The following CDK16 variants were observed in gnomAD, a reference collection of about 807,000 sequenced individuals.
CDK16 encodes the protein cyclin dependent kinase 16.
In CDK16, 2 loss-of-function variants were observed where a neutral mutation model predicts 41.6. The ratio of observed to expected loss-of-function variants is 0.05; its 90% CI spans 0.02 to 0.15. The LOEUF is 0.15. Ranked by LOEUF, CDK16 falls within the 10% of genes least tolerant of loss-of-function variation. CDK16 has a pLI of 1.00. For synonymous variants in CDK16, 169 were observed against 169.7 expected (o/e 1.00, Z 0.03); for missense variants, 228 against 428.9 (o/e 0.53, Z 4.14).
Position 47,226,706 on chromosome X carries a change from A to G in CDK16, c.1037+3A>G, listed in dbSNP as rs1213710732. 8 of 1,206,395 alleles carry G rather than the reference A, an allele frequency of 6.6e-6. No individual in the cohort carries two copies. In the East Asian group the frequency reaches 8.9e-5, roughly 13 times the overall value. ...TACTCCACTCAGATTGACATGTGGTAAGGACAGGTGGAAGTGTGGCAGGGG... is the reference window on the plus strand; with the variant it reads ...TACTCCACTCAGATTGACATGTGGTGAGGACAGGTGGAAGTGTGGCAGGGG... On this transcript the variant is annotated splice_donor_region_variant and intron_variant, in intron 10 of 15. Transcript: ENST00000357227.
intron 1 of CDK16, among the ~76,000 whole-genome samples, chrX:47,221,545 TC>T (rs1468658307): frequency 9.0e-6 from 1 of 110,804 alleles, no homozygotes; most frequent in African/African-American, 3.3e-5. Context: ...CCTCCTGGCT[TC>T]CTCCCCATCC....
Position 47,219,055 on chromosome X carries a change from G to C in CDK16, c.-57G>C. On this transcript the variant is annotated 5_prime_UTR_variant, in exon 1 of 16. Transcript: ENST00000357227. ...GCCTCATCCCGGGCCGCCGCCCCAG[G>C]CGCCGCCGCGCCGGCCCCGCGGCTC... The C allele has an allele frequency of 1.2e-6, 1 of 819,808 alleles. No homozygotes were observed. Among genetic ancestry groups the C allele is most frequent in the South Asian group, 4.0e-5 (1 of 25,110 alleles). The allele number at this position is 819,808 out of a possible 1,213,427, so 67.6% of individuals were successfully genotyped here.
chrX:47,227,033 A>G lies in CDK16; in HGVS notation c.1175A>G (p.Asn392Ser). 16 of 1,211,906 alleles carry G rather than the reference A, an allele frequency of 1.3e-5. No individual in the cohort carries two copies. Among genetic ancestry groups the G allele is most frequent in the Non-Finnish European group, 1.7e-5 (15 of 895,424 alleles). ...GAGACGTGGCCAGGCATCCTGTCCA[A>G]CGAGGAGTTCAAGACATACAACTAC... ...TEETWPGILS[N>S]EEFKTYNYPK... The change falls in exon 12 of 16, where the codon AAC (asparagine) becomes AGC (serine). Residue 392 changes from asparagine to serine, a missense_variant. Physicochemically the swap from Asn to Ser is conservative, Grantham distance 46. This residue lies in a region of CDK16 where 91 missense variants were observed against 129.5 expected (regional missense o/e 0.70). Coordinates refer to ENST00000357227, the MANE Select transcript of CDK16 (RefSeq NM_006201.5).
chrX:47,219,314 G>C (rs956707038), intron 1 of CDK16, among the ~76,000 whole-genome samples: 1 of 110,736 alleles, frequency 9.0e-6, no homozygotes, highest in Admixed American at 9.5e-5. Context: ...GTAGTGCTGT[G>C]GGTGCTAATG....
intron 5 of CDK16, 42 bp downstream of exon 5, chrX:47,224,932 G>T (rs923090906): frequency 8.3e-7 from 1 of 1,200,393 alleles, no homozygotes; most frequent in Admixed American, 2.2e-5. Flanking sequence ...ATGAAGGTCA[G>T]TGGGAACTCC....
chrX:47,224,419 T>C lies in CDK16; in HGVS notation c.237T>C (p.Asp79=). ...ACGAGGACTTGAAGATGGGGTCTGA[T>C]GGGGAGAGTGACCAGGCTTCAGCCA... The part of the protein sequence containing the change: ...IVHEDLKMGS[D]GESDQASATS... The change falls in exon 3 of 16, where the codon GAT becomes GAC. Residue 79 remains aspartate, a synonymous_variant. Transcript: ENST00000357227. 1 of 1,204,698 alleles carries C rather than the reference T, an allele frequency of 8.3e-7. No homozygotes were observed. The highest frequency in any genetic ancestry group is 1.1e-6 in the Non-Finnish European group (1 of 891,604).
Position 47,227,441 on chromosome X carries a change from G to T in CDK16, c.1347G>T (p.Leu449=), listed in dbSNP as rs372315805. The change falls in exon 14 of 16, where the codon CTG becomes CTT. Residue 449 remains leucine (L), a synonymous_variant. Coordinates refer to ENST00000357227, the MANE Select transcript of CDK16 (RefSeq NM_006201.5). ...TGAAACATCCATTCTTCCTCAGTCTGGGGGAGCGGATCCACAAACTTCCTG... is the reference window on the plus strand; with the variant it reads ...TGAAACATCCATTCTTCCTCAGTCTTGGGGAGCGGATCCACAAACTTCCTG... ...DAMKHPFFLS[L]GERIHKLPDT... 3 of 1,208,505 alleles carry T rather than the reference G, an allele frequency of 2.5e-6. No individual in the cohort carries two copies. The highest frequency in any genetic ancestry group is 1.8e-5 in the South Asian group (1 of 56,724).
intron 2 of CDK16, among the ~76,000 whole-genome samples, chrX:47,224,097 C>G (rs1280717887): frequency 1.8e-5 from 2 of 111,282 alleles, no homozygotes; most frequent in Non-Finnish European, 3.8e-5. Flanking sequence ...TCCCAGGACC[C>G]TTGGCTTCCC....
At chrX:47,220,028 G>C (rs1344222265) in intron 1 of CDK16, among the ~76,000 whole-genome samples, 1 of 110,183 alleles carries the variant, frequency 9.1e-6, no homozygotes, top group Non-Finnish European at 1.9e-5. Context: ...AGTGGACGAA[G>C]GGTAAAGGTG....
intron 1 of CDK16, chrX:47,222,449 G>A (rs1937369753): frequency 9.1e-6 from 1 of 110,256 alleles, no homozygotes; most frequent in African/African-American, 3.3e-5. Flanking sequence ...GGGAGTTCGG[G>A]ATGGTTGAGA....
chrX:47,218,774 C>T lies in CDK16; in HGVS notation c.-338C>T, dbSNP rs377475059. 2 of 1,155,884 alleles carry T rather than the reference C, an allele frequency of 1.7e-6. No individual in the cohort carries two copies. Among genetic ancestry groups the T allele is most frequent in the Admixed American group, 2.6e-5 (1 of 38,553 alleles). On this transcript the variant is annotated 5_prime_UTR_variant, in exon 1 of 16. Coordinates refer to ENST00000357227, the MANE Select transcript of CDK16 (RefSeq NM_006201.5). ...GGCTGTTCGGCCCTGGGATCCGCCG[C>T]CACTCCGCGATCAGACCGCTCTGTG... is the stretch of plus-strand genomic sequence containing the variant.
At chrX:47,219,168 C>T in intron 1 of CDK16, 63 bp downstream of exon 1, 1 of 778,723 alleles carries the variant, frequency 1.3e-6, no homozygotes, top group Non-Finnish European at 1.5e-6. Context: ...TCGGGCGGTG[C>T]CCAGGGGTCT....
chrX:47,218,921 C>T lies in CDK16; in HGVS notation c.-191C>T. Reference sequence around the variant, plus strand: ...CCGCCTCCGCCTCAGCCACCGCCGCCGCCGCCGCCTCCTCCTCCTCAGCCG... The same window carrying T: ...CCGCCTCCGCCTCAGCCACCGCCGCTGCCGCCGCCTCCTCCTCCTCAGCCG... On this transcript the variant is annotated 5_prime_UTR_variant, in exon 1 of 16. Coordinates refer to ENST00000357227, the MANE Select transcript of CDK16 (RefSeq NM_006201.5). 1.9e-6 allele frequency: 2 copies of T among 1,037,171 alleles called. No homozygotes were observed. Among genetic ancestry groups the T allele is most frequent in the Non-Finnish European group, 2.5e-6 (2 of 811,261 alleles). 85.5% of individuals were successfully genotyped at this position (1,037,171 alleles called of 1,213,427 possible).
In CDK16 at chrX:47,227,286, C is replaced by CT. The variant is rs1434343236; in HGVS notation, c.1284+63_1284+64insT. On this transcript the variant is annotated intron_variant, in intron 13 of 15. Coordinates refer to ENST00000357227, the MANE Select transcript of CDK16 (RefSeq NM_006201.5). ...TCCAAGTGTGGGGAAACAGGGACCC[C>CT]CCCCCTCAAACCAGGGGCAGGGTCT... The CT allele has an allele frequency of 3.6e-6, 4 of 1,119,421 alleles. No individual in the cohort carries two copies. In the East Asian group the frequency reaches 1.2e-4, roughly 34 times the overall value. The allele number at this position is 1,119,421 out of a possible 1,213,427, so 92.3% of individuals were successfully genotyped here.
At position 47,226,365 on chromosome X, in the gene CDK16, C is replaced by A. The variant is rs200980942; in HGVS notation, c.879C>A (p.Leu293=). 5.8e-6 allele frequency: 7 copies of A among 1,210,812 alleles called. No individual in the cohort carries two copies. The highest frequency in any genetic ancestry group is 2.2e-6 in the Non-Finnish European group (2 of 895,132). The part of the protein sequence containing the change: ...LHRDLKPQNL[L]INERGELKLA... ...GAGACCTCAAGCCCCAGAACCTGCT[C>A]ATCAACGAGAGGGGAGAGCTCAAGC... Residue 293 remains leucine (L), a synonymous_variant, in exon 9 of 16, where the codon CTC becomes CTA. Transcript: ENST00000357227.
rs138055902 is a variant in CDK16 at position 47,224,750 on chromosome X, A to T, written c.462+7A>T. The T allele has an allele frequency of 3.8e-4, 461 of 1,209,290 alleles. No individual in the cohort carries two copies. The African/African-American group carries it at 7.0e-3, about 18-fold the overall frequency. On this transcript the variant is annotated splice_region_variant and intron_variant, in intron 4 of 15. Transcript: ENST00000357227. ...CCTCCGTCGTGTCAGCCTAGTAAGCACCTTCTGTTCCCGTCCTCTCCTTTT... is the reference window on the plus strand; with the variant it reads ...CCTCCGTCGTGTCAGCCTAGTAAGCTCCTTCTGTTCCCGTCCTCTCCTTTT...
At chrX:47,220,052 G>T (rs1302872947) in intron 1 of CDK16, among the ~76,000 whole-genome samples, 1 of 110,201 alleles carries the variant, frequency 9.1e-6, no homozygotes, top group Non-Finnish European at 1.9e-5. Context: ...TGAGGTGTGA[G>T]TGTGTCCATG....
chrX:47,227,135 A>T, intron 12 of CDK16, 36 bp downstream of exon 12: 1 of 1,209,199 alleles, frequency 8.3e-7, no homozygotes, highest in Non-Finnish European at 1.1e-6. Context: ...TAGGGGCCAG[A>T]GTGTCCAAAC....
Position 47,229,307 on chromosome X carries a change from T to C in CDK16, c.*539T>C. 4.3e-6 allele frequency: 1 copy of C among 234,164 alleles called. No individual in the cohort carries two copies. The highest frequency in any genetic ancestry group is 8.0e-6 in the Non-Finnish European group (1 of 125,269). The allele number at this position is 234,164 out of a possible 1,213,427, so 19.3% of individuals were successfully genotyped here. A position where few individuals can be genotyped will look rare whatever the true frequency, so the allele number is the denominator to read the frequency against. ...TTTTAAATGAGATTTTTGTTTTTTTTAAATGCAATATCTCTGTATACAGAC... is the reference window on the plus strand; with the variant it reads ...TTTTAAATGAGATTTTTGTTTTTTTCAAATGCAATATCTCTGTATACAGAC... On this transcript the variant is annotated 3_prime_UTR_variant, in exon 16 of 16. Transcript: ENST00000357227.
Sources: gnomAD v4.1 joint callset for allele counts (sites outside exome capture counted in the v4.1 genomes callset) on GRCh38, gnomAD v4.1.1 for gene constraint, gnomAD v4.1.1 regional missense constraint, MANE v1.5 for transcripts, NCBI Gene and HGNC (gene_info 2026-07-23, HGNC 2026-07-21) for gene names.